The following NCKAP5 variants were observed in gnomAD, a reference collection of about 807,000 sequenced individuals.
The protein encoded by NCKAP5 is nck-associated protein 5.
NCKAP5 carries 92 observed loss-of-function variants against 167.0 expected under a neutral mutation model. The observed-to-expected ratio is 0.55, with a 90% CI of 0.47 to 0.66. The LOEUF is 0.66. Ranked by LOEUF, NCKAP5 falls within the 30% of genes least tolerant of loss-of-function variation. The pLI is 0.00. For missense variants in NCKAP5, 2,378 were observed against 2,315.0 expected, an observed-to-expected ratio of 1.03 and a Z score of -0.56; for synonymous variants, 891 against 877.4, an observed-to-expected ratio of 1.02 and a Z score of -0.27.
chr2:132,905,810 G>A (rs954127030), intron 8 of NCKAP5, among the ~76,000 whole-genome samples: 5 of 151,792 alleles, frequency 3.3e-5, no homozygotes, highest in East Asian at 1.9e-4. Flanking sequence ...CTCTTTATCC[G>A]TTCTAATGCT....
chr2:133,477,467 A>T (rs1477815208), intron 3 of NCKAP5, among the ~76,000 whole-genome samples: 27 of 152,154 alleles, frequency 1.8e-4, no homozygotes, highest in Admixed American at 1.8e-3. Flanking sequence ...CTTAGTTACA[A>T]GACAGCCTCC....
chr2:133,641,545 A>T, the NCKAP5 span, among the ~76,000 whole-genome samples: 26 of 152,340 alleles, frequency 1.7e-4, no homozygotes, highest in South Asian at 5.0e-3. Context: ...TATCCTGTCC[A>T]TAGTCATGTC....
At chr2:133,339,718 T>A (rs1373188747) in intron 3 of NCKAP5, among the ~76,000 whole-genome samples, 2 of 152,218 alleles carry the variant, frequency 1.3e-5, no homozygotes, top group Non-Finnish European at 2.9e-5. Context: ...CAGTTTGCAA[T>A]TAACAACTGA....
At chr2:132,843,330 T>A (rs1382393863) in intron 11 of NCKAP5, among the ~76,000 whole-genome samples, 1 of 152,164 alleles carries the variant, frequency 6.6e-6, no homozygotes, top group Non-Finnish European at 1.5e-5. Flanking sequence ...TTTTATTAAG[T>A]TCACCTTACA....
intron 11 of NCKAP5, among the ~76,000 whole-genome samples, chr2:132,802,105 G>C (rs753340868): frequency 1.8e-4 from 27 of 152,108 alleles, no homozygotes; most frequent in Non-Finnish European, 3.2e-4. Context: ...CCAAATATCG[G>C]CACAAAAGAG....
rs1463913343 is a variant in NCKAP5 at position 132,914,189 on chromosome 2, T to C, written c.580-35273A>G. The stretch of plus-strand genomic sequence containing the variant: ...AATAGTAGCTGTCCATTATGTTTCT[T>C]AAAATCTAGGAGGCTAAATCATATT... On this transcript the variant is annotated intron_variant, in intron 8 of 19. Transcript: ENST00000409261. Among the ~76,000 whole-genome samples the C allele has an allele frequency of 2.6e-5, 4 of 152,194 alleles. No homozygotes were observed. In the East Asian group the frequency reaches 7.7e-4, roughly 29 times the overall value.
At chr2:133,224,538 A>G (rs1443428090) in intron 4 of NCKAP5, among the ~76,000 whole-genome samples, 1 of 152,216 alleles carries the variant, frequency 6.6e-6, no homozygotes, top group Non-Finnish European at 1.5e-5. Flanking sequence ...TATTGGTAGT[A>G]AATATCCAGT....
At chr2:133,493,731 A>G (rs553167408) in intron 3 of NCKAP5, among the ~76,000 whole-genome samples, 129 of 152,346 alleles carry the variant, frequency 8.5e-4, no homozygotes, top group African/African-American at 2.9e-3. Flanking sequence ...TTAGTTTATA[A>G]AGCTAATGTT....
chr2:133,286,476 C>A (rs936499333), intron 4 of NCKAP5, among the ~76,000 whole-genome samples: 1 of 152,116 alleles, frequency 6.6e-6, no homozygotes, highest in African/African-American at 2.4e-5. Flanking sequence ...GACTTATATT[C>A]TTTGAGTTCA....
At chr2:133,112,120 C>T (rs2081934212) in intron 6 of NCKAP5, among the ~76,000 whole-genome samples, 1 of 152,122 alleles carries the variant, frequency 6.6e-6, no homozygotes, top group African/African-American at 2.4e-5. Context: ...AAATACACAT[C>T]AGAAGTTCTT....
chr2:133,571,728 T>G (rs78732937), upstream of NCKAP5, among the ~76,000 whole-genome samples: 6,813 of 152,182 alleles, frequency 0.045, 241 homozygotes, highest in East Asian at 0.17. Flanking sequence ...TTACTGGTGA[T>G]GACATGTATT....
chr2:132,992,971 CT>C (rs1272665679), intron 7 of NCKAP5, among the ~76,000 whole-genome samples: 4 of 152,184 alleles, frequency 2.6e-5, no homozygotes, highest in Non-Finnish European at 4.4e-5. Context: ...TTAAGGTTAA[CT>C]GTGGCCAGAT....
chr2:133,388,361 G>T lies in NCKAP5; in HGVS notation c.70-85251C>A, dbSNP rs369451020. 7.9e-5 allele frequency among the ~76,000 whole-genome samples: 12 copies of T among 152,284 alleles called. 1 individual carries two copies. The South Asian group carries it at 2.3e-3, about 29-fold the overall frequency. ...CGGAGGATGCAGAACAGCAAATATT[G>T]CTGAACAGCAAATGTTGCTGTCTGA... On this transcript the variant is annotated intron_variant, in intron 3 of 19. Coordinates refer to ENST00000409261, the MANE Select transcript of NCKAP5 (RefSeq NM_207363.3).
chr2:133,184,002 G>A (rs931081135), intron 5 of NCKAP5, among the ~76,000 whole-genome samples: 5 of 151,502 alleles, frequency 3.3e-5, no homozygotes, highest in African/African-American at 7.3e-5. Context: ...GAGTGTACAC[G>A]TGCAGGGTTT....
chr2:133,130,447 G>A (rs780756845), intron 5 of NCKAP5, among the ~76,000 whole-genome samples: 1 of 152,176 alleles, frequency 6.6e-6, no homozygotes. Context: ...CAATAAGTCA[G>A]ATAATAATTA....
At chr2:133,248,885 T>G (rs1406814606) in intron 4 of NCKAP5, among the ~76,000 whole-genome samples, 1 of 152,202 alleles carries the variant, frequency 6.6e-6, no homozygotes, top group Non-Finnish European at 1.5e-5. Context: ...TTATCACATC[T>G]TATCCTGAGA....
intron 3 of NCKAP5, among the ~76,000 whole-genome samples, chr2:133,417,353 A>C (rs887053739): frequency 6.6e-6 from 1 of 152,120 alleles, no homozygotes; most frequent in South Asian, 2.1e-4. Flanking sequence ...ACACCCCTGG[A>C]AGACATGCAC....
At chr2:133,166,559 C>T (rs2084009339) in intron 5 of NCKAP5, among the ~76,000 whole-genome samples, 1 of 152,120 alleles carries the variant, frequency 6.6e-6, no homozygotes, top group South Asian at 2.1e-4. Context: ...TGCATTATTG[C>T]CTTAGGCCAG....
intron 5 of NCKAP5, among the ~76,000 whole-genome samples, chr2:133,195,368 AATCAGAATC>A (rs59223301): frequency 0.11 from 17,447 of 152,160 alleles, 1,213 homozygotes; most frequent in African/African-American, 0.2. Context: ...GAATAGACGA[AATCAGAATC>A]ATTTGCAGCA....
Sources: gnomAD v4.1 joint callset for allele counts (sites outside exome capture counted in the v4.1 genomes callset) on GRCh38, gnomAD v4.1.1 for gene constraint, MANE v1.5 for transcripts, NCBI Gene and HGNC (gene_info 2026-07-23, HGNC 2026-07-21) for gene names.